Variants in PTPN9 observed in about 807,000 individuals in gnomAD.
The protein encoded by PTPN9 is protein tyrosine phosphatase non-receptor type 9, also known as tyrosine-protein phosphatase non-receptor type 9.
A neutral mutation model predicts 69.8 loss-of-function variants in PTPN9; 26 were observed. The observed-to-expected ratio is 0.37, with a 90% CI of 0.27 to 0.52. The LOEUF (loss-of-function observed/expected upper bound fraction) is 0.52. Among genes scored for constraint, PTPN9 ranks in the 20% least tolerant of loss-of-function variants. The pLI is 0.91. For missense variants in PTPN9, 549 were observed against 740.3 expected (o/e 0.74, Z 3.00); for synonymous variants, 274 against 272.5 (o/e 1.01, Z -0.05).
At chr15:75,475,675 T>C (rs1430082748) in intron 9 of PTPN9, among the ~76,000 whole-genome samples, 1 of 152,162 alleles carries the variant, frequency 6.6e-6, no homozygotes, top group Non-Finnish European at 1.5e-5. Context: ...AGGGCAGTAC[T>C]AATGGTTAAT....
At chr15:75,486,820 T>C (rs1416082120) in intron 8 of PTPN9, among the ~76,000 whole-genome samples, 2 of 148,840 alleles carry the variant, frequency 1.3e-5, no homozygotes. Flanking sequence ...GTCTTTGCTC[T>C]GTTGCCCAGG....
intron 5 of PTPN9, among the ~76,000 whole-genome samples, chr15:75,510,872 T>A (rs2074842416): frequency 1.3e-5 from 2 of 152,126 alleles, no homozygotes; most frequent in South Asian, 4.2e-4. Flanking sequence ...CATCTCCCTA[T>A]TCCCTTCTCC....
chr15:75,578,587 C>G lies in PTPN9; in HGVS notation c.63+127G>C, dbSNP rs1045613268. On this transcript the variant is annotated intron_variant, in intron 1 of 12. Transcript: ENST00000618819. Reference sequence around the variant, plus strand: ...CGCGGTCGCCGGTGAGGGAGGCCCGCGAGCCGGGCACGGGAGCGGGGGGCT... The same window carrying G: ...CGCGGTCGCCGGTGAGGGAGGCCCGGGAGCCGGGCACGGGAGCGGGGGGCT... 5 of 786,300 alleles carry G rather than the reference C, an allele frequency of 6.4e-6. No individual in the cohort carries two copies. The African/African-American group carries it at 7.3e-5, about 12-fold the overall frequency. The allele number at this position is 786,300 out of a possible 1,614,324, so 48.7% of individuals were successfully genotyped here.
At chr15:75,525,423 G>A (rs1343916593) in intron 2 of PTPN9, among the ~76,000 whole-genome samples, 3 of 150,610 alleles carry the variant, frequency 2.0e-5, no homozygotes, top group Non-Finnish European at 4.4e-5. Flanking sequence ...CCAACTCCTG[G>A]GCTGAAGCGA....
At chr15:75,571,250 A>G (rs541851581) in intron 1 of PTPN9, among the ~76,000 whole-genome samples, 361 of 152,208 alleles carry the variant, frequency 2.4e-3, no homozygotes, top group African/African-American at 8.3e-3. Flanking sequence ...ACAGAACAAG[A>G]CTGTCTCAAA....
chr15:75,522,789 G>A lies in PTPN9; in HGVS notation c.422+332C>T, dbSNP rs146633674. Reference sequence around the variant, plus strand: ...AGACAAAGAAACTGAGGCCTTAGAGGTTCTGATATGAGCAAAAAGAACCAG... The same window carrying A: ...AGACAAAGAAACTGAGGCCTTAGAGATTCTGATATGAGCAAAAAGAACCAG... On this transcript the variant is annotated intron_variant, in intron 4 of 12. Coordinates refer to ENST00000618819, the MANE Select transcript of PTPN9 (RefSeq NM_002833.4). Among the ~76,000 whole-genome samples the A allele has an allele frequency of 7.9e-3, 1,200 of 152,226 alleles. 11 individuals are homozygous for A. The highest frequency in any genetic ancestry group is 0.013 in the Non-Finnish European group (917 of 68,022).
chr15:75,503,549 G>GC (rs1386608682), intron 7 of PTPN9, among the ~76,000 whole-genome samples: 4 of 117,160 alleles, frequency 3.4e-5, no homozygotes, highest in Non-Finnish European at 7.5e-5. Context: ...GGAGGTGGGG[G>GC]GGTCAGCCCC....
At chr15:75,524,076 G>C (rs984213599) in intron 3 of PTPN9, 133 bp downstream of exon 3, 18 of 357,886 alleles carry the variant, frequency 5.0e-5, no homozygotes, top group Admixed American at 8.8e-5. Context: ...TGCACGTTGT[G>C]CACATGTACC....
chr15:75,518,257 T>G (rs1015829043), intron 4 of PTPN9, among the ~76,000 whole-genome samples: 5 of 151,892 alleles, frequency 3.3e-5, no homozygotes, highest in African/African-American at 1.2e-4. Flanking sequence ...GAGGGTCACT[T>G]GAGCCCAGGA....
At chr15:75,538,493 T>C (rs2074994803) in intron 1 of PTPN9, among the ~76,000 whole-genome samples, 1 of 152,054 alleles carries the variant, frequency 6.6e-6, no homozygotes, top group Admixed American at 6.6e-5. Flanking sequence ...TCTCAGGAGT[T>C]CGTGACCAGC....
At chr15:75,504,938 C>G (rs1199218914) in intron 7 of PTPN9, among the ~76,000 whole-genome samples, 1 of 152,112 alleles carries the variant, frequency 6.6e-6, no homozygotes, top group African/African-American at 2.4e-5. Flanking sequence ...CTCTGCCCAG[C>G]CACCACCTCG....
intron 1 of PTPN9, among the ~76,000 whole-genome samples, chr15:75,535,530 G>C (rs2074979229): frequency 6.6e-6 from 1 of 152,096 alleles, no homozygotes; most frequent in African/African-American, 2.4e-5. Flanking sequence ...TTGATTACAG[G>C]TGTTGTGCAG....
At chr15:75,573,477 C>T (rs2075158051) in intron 1 of PTPN9, among the ~76,000 whole-genome samples, 1 of 152,136 alleles carries the variant, frequency 6.6e-6, no homozygotes, top group South Asian at 2.1e-4. Flanking sequence ...TCAACACATG[C>T]CTAGACAGAA....
intron 6 of PTPN9, among the ~76,000 whole-genome samples, chr15:75,508,502 T>A (rs1318133569): frequency 6.6e-6 from 1 of 152,226 alleles, no homozygotes; most frequent in Non-Finnish European, 1.5e-5. Flanking sequence ...AGGGATTGAA[T>A]GATGTTTCCA....
Position 75,550,292 on chromosome 15 carries a change from A to G in PTPN9, c.64-23031T>C, listed in dbSNP as rs1261036148. On this transcript the variant is annotated intron_variant, in intron 1 of 12. Coordinates refer to ENST00000618819, the MANE Select transcript of PTPN9 (RefSeq NM_002833.4). ...GCGATTCTCCTGCCTTAGCCTCCCG[A>G]GTAGCTGGGATTACAGGCACCCGCC... is the stretch of plus-strand genomic sequence containing the variant. Among the ~76,000 whole-genome samples, 18 of 147,638 alleles carry G rather than the reference A, an allele frequency of 1.2e-4. No homozygotes were observed. The East Asian group carries it at 3.5e-3, about 29-fold the overall frequency.
chr15:75,552,402 C>A (rs534444055), intron 1 of PTPN9, among the ~76,000 whole-genome samples: 116 of 151,968 alleles, frequency 7.6e-4, no homozygotes, highest in Non-Finnish European at 1.3e-3. Context: ...AGGGAAACTC[C>A]GTCTCAAAAA....
At chr15:75,499,387 G>A (rs1199611709) in intron 7 of PTPN9, among the ~76,000 whole-genome samples, 3 of 144,332 alleles carry the variant, frequency 2.1e-5, no homozygotes, top group African/African-American at 7.8e-5. Flanking sequence ...GCAACAAGAC[G>A]ATCTAAACCC....
intron 7 of PTPN9, among the ~76,000 whole-genome samples, chr15:75,499,657 A>T (rs1232262442): frequency 6.6e-6 from 1 of 151,064 alleles, no homozygotes; most frequent in Non-Finnish European, 1.5e-5. Context: ...GCCAGCCTCA[A>T]CCTCCCAAAG....
At chr15:75,573,696 CCA>C (rs2075159186) in intron 1 of PTPN9, among the ~76,000 whole-genome samples, 1 of 152,186 alleles carries the variant, frequency 6.6e-6, no homozygotes, top group South Asian at 2.1e-4. Flanking sequence ...TCCGTAAGTG[CCA>C]GTCATTATGT....
Sources: gnomAD v4.1 joint callset for allele counts (sites outside exome capture counted in the v4.1 genomes callset) on GRCh38, gnomAD v4.1.1 for gene constraint, MANE v1.5 for transcripts, NCBI Gene and HGNC (gene_info 2026-07-23, HGNC 2026-07-21) for gene names.